CADM4: variants seen among roughly 807,000 people sequenced by gnomAD.
CADM4 encodes TSLC1-like 2.
A neutral mutation model predicts 43.9 loss-of-function variants in CADM4; 13 were observed. The observed-to-expected ratio is 0.30, with a 90% CI of 0.19 to 0.47. CADM4 has a LOEUF of 0.47. Ranked by LOEUF, CADM4 falls within the 20% of genes least tolerant of loss-of-function variation. The pLI, the probability that CADM4 is intolerant of heterozygous loss-of-function variation, is 1.00. For missense variants in CADM4, 420 were observed against 527.0 expected (o/e 0.80, Z 1.99); for synonymous variants, 209 against 220.9 (o/e 0.95, Z 0.48).
At position 43,625,037 on chromosome 19, in the gene CADM4, C is replaced by A. The variant is rs1161750729; in HGVS notation, c.928+41G>T. 2.8e-5 allele frequency: 20 copies of A among 702,594 alleles called. No individual in the cohort carries two copies. Among genetic ancestry groups the A allele is most frequent in the Non-Finnish European group, 4.0e-5 (20 of 499,592 alleles). 43.5% of individuals were successfully genotyped at this position (702,594 alleles called of 1,614,324 possible). On this transcript the variant is annotated intron_variant, in intron 7 of 8. Coordinates refer to ENST00000222374, the MANE Select transcript of CADM4 (RefSeq NM_145296.2). This position sits in a 1 kb window ranked among gnomAD's most constrained non-coding sequence, Gnocchi z 4.5. The stretch of plus-strand genomic sequence containing the variant: ...CTCAAGCCCCGCCCCCGCCACCTGG[C>A]GCCCCGCCCCCGCCCTCAGTCGGCC...
chr19:43,635,237 T>TC (rs781183515), intron 1 of CADM4, among the ~76,000 whole-genome samples: 1 of 151,896 alleles, frequency 6.6e-6, no homozygotes, highest in African/African-American at 2.4e-5. Flanking sequence ...CTGTATCCGC[T>TC]CCCCAGGGGG....
chr19:43,629,357 C>T (rs906638465), intron 1 of CADM4, among the ~76,000 whole-genome samples: 11 of 152,144 alleles, frequency 7.2e-5, no homozygotes, highest in Non-Finnish European at 1.3e-4. Flanking sequence ...GTGTCTGTTA[C>T]AGCCTTTAAC....
chr19:43,635,326 G>A (rs1973686127), intron 1 of CADM4, among the ~76,000 whole-genome samples: 1 of 150,680 alleles, frequency 6.6e-6, no homozygotes, highest in African/African-American at 2.4e-5. Flanking sequence ...ACCCCCCTCA[G>A]CCCCCCATCA....
At position 43,626,068 on chromosome 19, in the gene CADM4, C is replaced by A; in HGVS notation, c.664+56G>T. 6.2e-7 allele frequency: 1 copy of A among 1,611,688 alleles called. No individual in the cohort carries two copies. The highest frequency in any genetic ancestry group is 8.5e-7 in the Non-Finnish European group (1 of 1,178,544). On this transcript the variant is annotated intron_variant, in intron 5 of 8. Transcript: ENST00000222374. This position sits in a 1 kb window ranked among gnomAD's most constrained non-coding sequence, Gnocchi z 5.9. ...TCACGCAGGACAAGGGGGACCCTCG[C>A]GGGTGCGGGTGGCTGGCGTTGGGAT...
Position 43,625,832 on chromosome 19 carries a change from G to A in CADM4, c.755+79C>T. The stretch of plus-strand genomic sequence containing the variant: ...CAGCTCTCTCCTCCTTAGGACCCAG[G>A]AGTCCAAGTCCCTGGTCCCTGTTCT... On this transcript the variant is annotated intron_variant, in intron 6 of 8. Transcript: ENST00000222374. This position sits in a 1 kb window ranked among gnomAD's most constrained non-coding sequence, Gnocchi z 4.5. 8.3e-7 allele frequency: 1 copy of A among 1,206,954 alleles called. No homozygotes were observed. The highest frequency in any genetic ancestry group is 1.3e-5 in the South Asian group (1 of 79,384). The allele number at this position is 1,206,954 out of a possible 1,614,324, so 74.8% of individuals were successfully genotyped here.
chr19:43,637,389 T>C (rs373683188), intron 1 of CADM4, among the ~76,000 whole-genome samples: 1 of 152,004 alleles, frequency 6.6e-6, no homozygotes, highest in South Asian at 2.1e-4. Flanking sequence ...CAAGACCACA[T>C]GCTACAGCCT....
intron 1 of CADM4, among the ~76,000 whole-genome samples, chr19:43,638,535 C>G (rs897120312): frequency 6.6e-6 from 1 of 152,222 alleles, no homozygotes; most frequent in African/African-American, 2.4e-5. Flanking sequence ...GGAGGGGTGA[C>G]CCGTGGCAGG....
Position 43,626,845 on chromosome 19 carries a change from G to T in CADM4, c.438C>A (p.Leu146=). 6.2e-7 allele frequency: 1 copy of T among 1,610,840 alleles called. No individual in the cohort carries two copies. Among genetic ancestry groups the T allele is most frequent in the Non-Finnish European group, 8.5e-7 (1 of 1,178,892 alleles). The change falls in exon 4 of 9, where the codon CTC becomes CTA. Residue 146 remains leucine, a synonymous_variant. Transcript: ENST00000222374. The surrounding 1 kb of genome is among the most constrained non-coding windows in gnomAD (Gnocchi z 5.9). ...VEGGEVELSC[L]VPRSRPAATL... Reference sequence around the variant, plus strand: ...TGGCAGCCGGACGGGACCGCGGAACGAGGCAGCTGAGCTCCACCTCGCCGC... The same window carrying T: ...TGGCAGCCGGACGGGACCGCGGAACTAGGCAGCTGAGCTCCACCTCGCCGC...
intron 1 of CADM4, among the ~76,000 whole-genome samples, chr19:43,634,473 C>G (rs1422881379): frequency 6.6e-6 from 1 of 152,126 alleles, no homozygotes; most frequent in Non-Finnish European, 1.5e-5. Context: ...ATCCCCTGCT[C>G]TCTGCTTGAG....
chr19:43,636,221 A>G (rs1273816438), intron 1 of CADM4, among the ~76,000 whole-genome samples: 2 of 151,884 alleles, frequency 1.3e-5, no homozygotes, highest in Non-Finnish European at 2.9e-5. Flanking sequence ...CTCACACACA[A>G]AGTCCCCGCT....
intron 1 of CADM4, among the ~76,000 whole-genome samples, chr19:43,628,164 G>T (rs543504803): frequency 6.6e-6 from 1 of 151,972 alleles, no homozygotes; most frequent in East Asian, 1.9e-4. Flanking sequence ...GGTGGCTCAT[G>T]CCTGTAATCC....
chr19:43,631,985 C>G (rs1973632442), intron 1 of CADM4, among the ~76,000 whole-genome samples: 1 of 152,176 alleles, frequency 6.6e-6, no homozygotes, highest in Non-Finnish European at 1.5e-5. Context: ...AGCAGTCCTC[C>G]TGCCTCAGCT....
chr19:43,632,288 C>T (rs1364027129), intron 1 of CADM4, among the ~76,000 whole-genome samples: 3 of 152,124 alleles, frequency 2.0e-5, no homozygotes, highest in African/African-American at 7.2e-5. Context: ...CTTTGTCTGC[C>T]TCTCCTACCC....
chr19:43,626,802 C>T lies in CADM4; in HGVS notation c.481G>A (p.Asp161Asn). 6.2e-7 allele frequency: 1 copy of T among 1,602,336 alleles called. No homozygotes were observed. The highest frequency in any genetic ancestry group is 8.5e-7 in the Non-Finnish European group (1 of 1,172,936). Residue 161 changes from aspartate to asparagine, a missense_variant, in exon 4 of 9, where the codon GAC becomes AAC. Coordinates refer to ENST00000222374, the MANE Select transcript of CADM4 (RefSeq NM_145296.2). The surrounding 1 kb of genome is among the most constrained non-coding windows in gnomAD (Gnocchi z 5.9). Reference sequence around the variant, plus strand: ...AGGGTACCTTTCAGCTCCTTGCGGTCCCGGTACCAGCGCAGGGTGGCAGCC... The same window carrying T: ...AGGGTACCTTTCAGCTCCTTGCGGTTCCGGTACCAGCGCAGGGTGGCAGCC... ...RPAATLRWYR[D>N]RKELKGVSSS...
At chr19:43,632,819 CACGCCTG>C in intron 1 of CADM4, among the ~76,000 whole-genome samples, 1 of 152,010 alleles carries the variant, frequency 6.6e-6, no homozygotes, top group African/African-American at 2.4e-5. Context: ...TGCGGTGGCT[CACGCCTG>C]TAATACCAGC....
chr19:43,631,219 T>C (rs1400798028), intron 1 of CADM4, among the ~76,000 whole-genome samples: 1 of 151,962 alleles, frequency 6.6e-6, no homozygotes, highest in African/African-American at 2.4e-5. Context: ...TGGGTGCTTG[T>C]AATTCCAGCT....
chr19:43,626,314 C>G lies in CADM4; in HGVS notation c.500-26G>C. On this transcript the variant is annotated intron_variant, in intron 4 of 8. Coordinates refer to ENST00000222374, the MANE Select transcript of CADM4 (RefSeq NM_145296.2). This position sits in a 1 kb window ranked among gnomAD's most constrained non-coding sequence, Gnocchi z 5.9. ...CTGCCACACCCCGGTCAGACACTGT[C>G]AGGCCACAATTCCGGCTCCATCCAC... 6.2e-7 allele frequency: 1 copy of G among 1,604,528 alleles called. No homozygotes were observed. Among genetic ancestry groups the G allele is most frequent in the African/African-American group, 1.3e-5 (1 of 74,926 alleles).
Position 43,639,802 on chromosome 19 carries a change from C to T in CADM4, c.-12G>A, listed in dbSNP as rs1356917362. On this transcript the variant is annotated 5_prime_UTR_variant, in exon 1 of 9. Coordinates refer to ENST00000222374, the MANE Select transcript of CADM4 (RefSeq NM_145296.2). ...CGGGCCCGGCCCATGGTGCCGCCGC[C>T]GCCGCCGCCGCCGCTCGCTCCCGGC... The T allele has an allele frequency of 6.0e-6, 6 of 999,592 alleles. No homozygotes were observed. In the African/African-American group the frequency reaches 8.8e-5, roughly 15 times the overall value. 61.9% of individuals were successfully genotyped at this position (999,592 alleles called of 1,614,324 possible).
chr19:43,639,762 G>A lies in CADM4; in HGVS notation c.29C>T (p.Pro10Leu), dbSNP rs1217441761. The change falls in exon 1 of 9, where the codon CCG (proline) becomes CTG (leucine). Residue 10 changes from proline (P) to leucine (L), a missense_variant. Coordinates refer to ENST00000222374, the MANE Select transcript of CADM4 (RefSeq NM_145296.2). Reference protein sequence around the residue: MGRARRFQWPLLLLWAAAAG... With the variant: MGRARRFQWLLLLLWAAAAG... ...CGCGGCCGCCCACAGCAGCAGCAGCGGCCACTGGAAGCGCCGGGCCCGGCC... is the reference window on the plus strand; with the variant it reads ...CGCGGCCGCCCACAGCAGCAGCAGCAGCCACTGGAAGCGCCGGGCCCGGCC... 7.8e-6 allele frequency: 8 copies of A among 1,026,334 alleles called. No homozygotes were observed. Among genetic ancestry groups the A allele is most frequent in the Non-Finnish European group, 9.4e-6 (8 of 854,522 alleles). The allele number at this position is 1,026,334 out of a possible 1,614,324, so 63.6% of individuals were successfully genotyped here. A position where few individuals can be genotyped will look rare whatever the true frequency, so the allele number is the denominator to read the frequency against.
Sources: gnomAD v4.1 joint callset for allele counts (sites outside exome capture counted in the v4.1 genomes callset) on GRCh38, gnomAD v4.1.1 for gene constraint, Gnocchi (gnomAD v3.1) non-coding constraint, MANE v1.5 for transcripts, NCBI Gene and HGNC (gene_info 2026-07-23, HGNC 2026-07-21) for gene names.